Variants in METTL15 observed in about 807,000 individuals in gnomAD.
METTL15 encodes the protein methyltransferase 15, mitochondrial 12S rRNA N4-cytidine.
Under a neutral mutation model 38.3 loss-of-function variants are expected in METTL15, and 34 were observed. That is an observed-to-expected ratio of 0.89 (90% CI 0.68 to 1.18). The LOEUF is 1.18. Among genes scored for constraint, METTL15 ranks in the 50% most tolerant of loss-of-function variants. The probability of loss-of-function intolerance (pLI) is 0.00; values close to 1 mark genes in which losing one functional copy is unlikely to be tolerated. For missense variants in METTL15, 438 were observed against 498.4 expected, an observed-to-expected ratio of 0.88 and a Z score of 1.15; for synonymous variants, 162 against 170.9, an observed-to-expected ratio of 0.95 and a Z score of 0.41.
intron 3 of METTL15, among the ~76,000 whole-genome samples, chr11:28,151,038 A>C (rs1004983739): frequency 2.0e-5 from 3 of 151,544 alleles, no homozygotes; most frequent in Non-Finnish European, 4.4e-5. Context: ...AAAGGAAAAA[A>C]AGGTAATAAG....
At chr11:28,442,824 C>G (rs1335681643) in intron 6 of METTL15, among the ~76,000 whole-genome samples, 1 of 152,116 alleles carries the variant, frequency 6.6e-6, no homozygotes, top group Non-Finnish European at 1.5e-5. Flanking sequence ...CTTTACAATT[C>G]AAAGAAGTTT....
chr11:28,337,380 T>C (rs956154047), downstream of METTL15, among the ~76,000 whole-genome samples: 35 of 152,118 alleles, frequency 2.3e-4, no homozygotes, highest in African/African-American at 8.4e-4. Flanking sequence ...ATAAAATTTT[T>C]GTAGAAATAA....
At chr11:28,341,562 CAT>C (rs1274525801) in intron 3 of METTL15, among the ~76,000 whole-genome samples, 1 of 152,116 alleles carries the variant, frequency 6.6e-6, no homozygotes, top group Non-Finnish European at 1.5e-5. Flanking sequence ...CTCTAAACCT[CAT>C]TTTACTCTTC....
At chr11:28,177,916 A>T (rs1027248736) in intron 3 of METTL15, among the ~76,000 whole-genome samples, 5 of 152,142 alleles carry the variant, frequency 3.3e-5, no homozygotes, top group African/African-American at 9.6e-5. Context: ...TTGTAAGGCT[A>T]TGGGACAAAA....
chr11:28,507,435 C>T (rs1410191350), intron 6 of METTL15, among the ~76,000 whole-genome samples: 1 of 152,072 alleles, frequency 6.6e-6, no homozygotes, highest in African/African-American at 2.4e-5. Context: ...CCAGGCCCCT[C>T]CTCCAACACA....
chr11:28,246,836 T>C (rs938635070), intron 4 of METTL15, among the ~76,000 whole-genome samples: 7 of 152,172 alleles, frequency 4.6e-5, no homozygotes, highest in Non-Finnish European at 1.0e-4. Context: ...TAGCCACATG[T>C]GGCAGCTAGT....
At chr11:28,368,153 A>AG (rs1410301816) in intron 5 of METTL15, among the ~76,000 whole-genome samples, 77 of 114,208 alleles carry the variant, frequency 6.7e-4, no homozygotes, top group Non-Finnish European at 9.3e-4. Flanking sequence ...CAAAAAAAAC[A>AG]AAAAAAAAAA....
At chr11:28,476,438 A>G (rs1254297300) in intron 6 of METTL15, among the ~76,000 whole-genome samples, 4 of 152,176 alleles carry the variant, frequency 2.6e-5, no homozygotes, top group Non-Finnish European at 4.4e-5. Flanking sequence ...ATTTGGTATT[A>G]TTGATGAGTT....
chr11:28,140,891 G>C (rs1420977912), intron 3 of METTL15, among the ~76,000 whole-genome samples: 1 of 152,172 alleles, frequency 6.6e-6, no homozygotes, highest in Non-Finnish European at 1.5e-5. Flanking sequence ...CAAAGCTCCT[G>C]TTCAAGTTCC....
chr11:28,472,263 G>A (rs570098137), intron 6 of METTL15, among the ~76,000 whole-genome samples: 11 of 152,252 alleles, frequency 7.2e-5, no homozygotes, highest in Admixed American at 5.9e-4. Flanking sequence ...ATGACTGGAA[G>A]TTCACCACTG....
At chr11:28,477,719 T>C (rs1851359272) in intron 6 of METTL15, among the ~76,000 whole-genome samples, 1 of 152,214 alleles carries the variant, frequency 6.6e-6, no homozygotes, top group Non-Finnish European at 1.5e-5. Context: ...TCATTTTAAA[T>C]AATTTTATGG....
At chr11:28,378,664 C>A (rs926755017) in intron 5 of METTL15, among the ~76,000 whole-genome samples, 6 of 151,996 alleles carry the variant, frequency 3.9e-5, no homozygotes, top group Non-Finnish European at 8.8e-5. Context: ...TCCTATTCGG[C>A]CATCTTGGCT....
chr11:28,409,118 C>CTG (rs1850701738), intron 5 of METTL15, among the ~76,000 whole-genome samples: 1 of 152,086 alleles, frequency 6.6e-6, no homozygotes, highest in Non-Finnish European at 1.5e-5. Context: ...CGCAGTGGCT[C>CTG]ACGCCTGTAA....
chr11:28,499,571 T>C (rs917405780), intron 6 of METTL15, among the ~76,000 whole-genome samples: 1 of 152,216 alleles, frequency 6.6e-6, no homozygotes, highest in Non-Finnish European at 1.5e-5. Flanking sequence ...ATTCTTTCCA[T>C]GGCTTGAAAT....
chr11:28,237,425 G>C (rs1269904261), intron 4 of METTL15, among the ~76,000 whole-genome samples: 1 of 151,976 alleles, frequency 6.6e-6, no homozygotes, highest in Non-Finnish European at 1.5e-5. Context: ...TCTTCACGTA[G>C]TTCTCGAGCC....
intron 5 of METTL15, among the ~76,000 whole-genome samples, chr11:28,364,500 A>G (rs1412235841): frequency 6.6e-6 from 1 of 152,144 alleles, no homozygotes; most frequent in African/African-American, 2.4e-5. Flanking sequence ...ATTGGTGTAT[A>G]AAAATGCTAC....
intron 4 of METTL15, among the ~76,000 whole-genome samples, chr11:28,355,247 T>C (rs1240420574): frequency 6.6e-6 from 1 of 152,252 alleles, no homozygotes; most frequent in East Asian, 1.9e-4. Context: ...GTCACTGTTC[T>C]GAAGGTGGCT....
intron 6 of METTL15, chr11:28,519,462 G>A (rs1223889203): frequency 6.6e-6 from 1 of 152,222 alleles, no homozygotes; most frequent in Non-Finnish European, 1.5e-5. Flanking sequence ...GGCTGAGGCA[G>A]GAGAATGGGG....
chr11:28,490,211 T>C (rs958194096), intron 6 of METTL15, among the ~76,000 whole-genome samples: 2 of 152,160 alleles, frequency 1.3e-5, no homozygotes, highest in Non-Finnish European at 2.9e-5. Context: ...TGTTAACTTC[T>C]CTTGCATTCT....
Sources: allele counts gnomAD v4.1 joint callset (sites outside exome capture counted in the v4.1 genomes callset), GRCh38; gene constraint gnomAD v4.1.1; transcripts MANE v1.5; gene names NCBI Gene and HGNC (gene_info 2026-07-23, HGNC 2026-07-21).